Variants in TGDS observed in about 807,000 individuals in gnomAD.
TGDS encodes TDP-glucose 4,6-dehydratase.
A neutral mutation model predicts 52.3 loss-of-function variants in TGDS; 47 were observed. The ratio of observed to expected loss-of-function variants is 0.90; its 90% CI spans 0.71 to 1.15. The LOEUF is 1.15. TGDS is among the 50% of genes most tolerant of loss of function. The pLI is 0.00. For missense variants in TGDS, 375 were observed against 418.4 expected, an observed-to-expected ratio of 0.90 and a Z score of 0.90; for synonymous variants, 115 against 136.9, an observed-to-expected ratio of 0.84 and a Z score of 1.12.
intron 5 of TGDS, 127 bp from the exon 6 acceptor site, chr13:94,581,316 T>C (rs1018099960): frequency 2.7e-5 from 15 of 554,378 alleles, no homozygotes; most frequent in Non-Finnish European, 4.5e-5. Flanking sequence ...CCTATGTGCC[T>C]GGTGTTTTCC....
At chr13:94,588,573 G>A (rs562034710) in intron 4 of TGDS, among the ~76,000 whole-genome samples, 3 of 151,834 alleles carry the variant, frequency 2.0e-5, no homozygotes, top group East Asian at 3.9e-4. Flanking sequence ...AAATGGTCAC[G>A]AAACTTAAAT....
intron 5 of TGDS, among the ~76,000 whole-genome samples, chr13:94,581,888 G>A (rs1267253159): frequency 1.3e-5 from 2 of 152,114 alleles, no homozygotes; most frequent in Non-Finnish European, 2.9e-5. Context: ...TAATATTTAT[G>A]CATGATTTAT....
At chr13:94,581,211 T>TA (rs1017210254) in intron 5 of TGDS, 22 bp from the exon 6 acceptor site, 2 of 1,434,638 alleles carry the variant, frequency 1.4e-6, no homozygotes, top group African/African-American at 1.4e-5. Context: ...AATATATATT[T>TA]AAAAAAGTGT....
At chr13:94,592,494 C>A (rs1889237143) in intron 2 of TGDS, among the ~76,000 whole-genome samples, 185 bp from the exon 3 acceptor site, 1 of 152,128 alleles carries the variant, frequency 6.6e-6, no homozygotes, top group African/African-American at 2.4e-5. Flanking sequence ...ACTCTGTTGC[C>A]CAGGCTGTAG....
In TGDS at chr13:94,578,059, G is replaced by A. The variant is rs1237276200; in HGVS notation, c.771C>T (p.Ile257=). 6.8e-6 allele frequency: 11 copies of A among 1,613,858 alleles called. No individual in the cohort carries two copies. Among genetic ancestry groups the A allele is most frequent in the Non-Finnish European group, 8.5e-6 (10 of 1,179,882 alleles). The change falls in exon 9 of 12, where the codon ATC becomes ATT. Residue 257 remains isoleucine (I), a synonymous_variant. Transcript: ENST00000261296. ...KKGKPGEIYN[I]GTNFEMSVVQ... is the part of the protein sequence containing the mutation. ...CAACTGACATTTCAAAATTGGTTCC[G>A]ATGTTATAAATTTCACCTGGTTTCC...
rs1183728299 is a variant in TGDS at position 94,579,947 on chromosome 13, C to A, written c.562G>T (p.Val188Phe). 8.1e-6 allele frequency: 13 copies of A among 1,597,334 alleles called. No individual in the cohort carries two copies. The highest frequency in any genetic ancestry group is 1.1e-5 in the Non-Finnish European group (13 of 1,168,582). Residue 188 changes from valine to phenylalanine, a missense_variant, in exon 7 of 12, where the codon GTT becomes TTT. Physicochemically the swap from Val to Phe is conservative, Grantham distance 50 (BLOSUM62 -1). Transcript: ENST00000261296. The part of the protein sequence containing the change: ...QSYWEQYKFP[V>F]VITRSSNVYG... ...ACATTACTGCTTCTTGTGATGACAA[C>A]TGGAAACTTAAAAGAATATCCAACA... is the stretch of plus-strand genomic sequence containing the variant.
chr13:94,575,827 T>C (rs1888581238), intron 11 of TGDS, among the ~76,000 whole-genome samples: 1 of 152,144 alleles, frequency 6.6e-6, no homozygotes, highest in African/African-American at 2.4e-5. Context: ...TATGCACTTA[T>C]TTTAATAGAT....
intron 4 of TGDS, among the ~76,000 whole-genome samples, chr13:94,584,122 A>G (rs1299019498): frequency 2.6e-5 from 4 of 152,250 alleles, no homozygotes; most frequent in Admixed American, 2.6e-4. Flanking sequence ...CAATTCCCTA[A>G]GGAAGGAAAC....
chr13:94,590,166 A>ATT (rs1377480951), intron 4 of TGDS, among the ~76,000 whole-genome samples: 1 of 148,032 alleles, frequency 6.8e-6, no homozygotes, highest in Non-Finnish European at 1.5e-5. Context: ...TCTACATATC[A>ATT]TTATATATAT....
intron 8 of TGDS, 125 bp from the exon 9 acceptor site, chr13:94,578,295 TAC>T (rs1238524911): frequency 1.6e-5 from 15 of 937,056 alleles, no homozygotes; most frequent in Non-Finnish European, 2.2e-5. Context: ...TTACTGAAAA[TAC>T]AAATTCTCGT....
At chr13:94,574,892 G>GA in intron 11 of TGDS, 40 bp from the exon 12 acceptor site, 2 of 1,259,406 alleles carry the variant, frequency 1.6e-6, no homozygotes, top group Non-Finnish European at 2.2e-6. Flanking sequence ...AAAAAGAAAA[G>GA]AAAGAAAAAC....
At chr13:94,587,945 C>T (rs1335267297) in intron 4 of TGDS, among the ~76,000 whole-genome samples, 10 of 141,322 alleles carry the variant, frequency 7.1e-5, no homozygotes, top group South Asian at 4.5e-4. Flanking sequence ...TGCAGTGAGC[C>T]GAGATTGCGC....
chr13:94,576,043 G>T (rs1888587568), intron 11 of TGDS, among the ~76,000 whole-genome samples: 1 of 152,138 alleles, frequency 6.6e-6, no homozygotes, highest in Non-Finnish European at 1.5e-5. Flanking sequence ...GGAGTGTGAA[G>T]AAAGTGAAAA....
chr13:94,584,494 G>A lies in TGDS; in HGVS notation c.314-1258C>T, dbSNP rs143071523. ...TAAACAAAAAATCTCAATGCGGATTGGACATTTCAGTATAAACCCATGTCA... is the reference window on the plus strand; with the variant it reads ...TAAACAAAAAATCTCAATGCGGATTAGACATTTCAGTATAAACCCATGTCA... On this transcript the variant is annotated intron_variant, in intron 4 of 11. Coordinates refer to ENST00000261296, the MANE Select transcript of TGDS (RefSeq NM_014305.4). Among the ~76,000 whole-genome samples, 10 of 152,298 alleles carry A rather than the reference G, an allele frequency of 6.6e-5. No homozygotes were observed. The East Asian group carries it at 1.9e-3, about 29-fold the overall frequency.
chr13:94,578,851 AG>A (rs1480219094), intron 7 of TGDS, 78 bp from the exon 8 acceptor site: 2 of 885,566 alleles, frequency 2.3e-6, no homozygotes, highest in Non-Finnish European at 3.5e-6. Flanking sequence ...CAAAATTAAA[AG>A]ATTATTAAGA....
At chr13:94,591,710 T>A (rs533971517) in intron 3 of TGDS, among the ~76,000 whole-genome samples, 1 of 152,350 alleles carries the variant, frequency 6.6e-6, no homozygotes, top group South Asian at 2.1e-4. Flanking sequence ...AAATATGTAT[T>A]CTCGACAATT....
intron 11 of TGDS, among the ~76,000 whole-genome samples, 189 bp downstream of exon 11, chr13:94,576,125 G>C (rs1326782980): frequency 6.6e-6 from 1 of 152,156 alleles, no homozygotes; most frequent in Non-Finnish European, 1.5e-5. Flanking sequence ...TTGATCAGAG[G>C]TTGGTTTATA....
Position 94,577,487 on chromosome 13 carries a change from A to G in TGDS, c.826-58T>C, listed in dbSNP as rs1287818690. On this transcript the variant is annotated intron_variant, in intron 9 of 11. Coordinates refer to ENST00000261296, the MANE Select transcript of TGDS (RefSeq NM_014305.4). ...TATAAAATGAGATCAGAGAATAACA[A>G]TAGTATTTAATGGCTGATTAAAAAG... 89 of 1,375,590 alleles carry G rather than the reference A, an allele frequency of 6.5e-5. 1 individual carries two copies. The highest frequency in any genetic ancestry group is 5.7e-4 in the South Asian group (40 of 70,286). The allele number at this position is 1,375,590 out of a possible 1,614,324, so 85.2% of individuals were successfully genotyped here.
intron 5 of TGDS, among the ~76,000 whole-genome samples, chr13:94,581,636 G>A (rs890748486): frequency 3.9e-5 from 6 of 152,194 alleles, no homozygotes; most frequent in East Asian, 1.9e-4. Flanking sequence ...AAGTTTACCT[G>A]ATAAAAATTG....
Sources: allele counts gnomAD v4.1 joint callset (sites outside exome capture counted in the v4.1 genomes callset), GRCh38; gene constraint gnomAD v4.1.1; transcripts MANE v1.5; gene names NCBI Gene and HGNC (gene_info 2026-07-23, HGNC 2026-07-21).